The following KIF2A variants were observed in gnomAD, a reference collection of about 807,000 sequenced individuals.
The protein encoded by KIF2A is kinesin-like protein KIF2A.
Under a neutral mutation model 100.2 loss-of-function variants are expected in KIF2A, and 22 were observed. The ratio of observed to expected loss-of-function variants is 0.22; its 90% CI spans 0.16 to 0.31. The LOEUF is 0.31. Ranked by LOEUF, KIF2A falls within the 10% of genes least tolerant of loss-of-function variation. KIF2A has a pLI of 1.00. For synonymous variants in KIF2A, 268 were observed against 285.9 expected, an observed-to-expected ratio of 0.94 and a Z score of 0.63; for missense variants, 495 against 898.7, an observed-to-expected ratio of 0.55 and a Z score of 5.74.
In KIF2A at chr5:62,389,379, G is replaced by A. The variant is rs898214691; in HGVS notation, c.*3810G>A. ...CACATGCCTGTAATCCCAGCTACTCGGGTGGTTGAGGCAGGAGATTTGCCT... is the reference window on the plus strand; with the variant it reads ...CACATGCCTGTAATCCCAGCTACTCAGGTGGTTGAGGCAGGAGATTTGCCT... On this transcript the variant is annotated 3_prime_UTR_variant, in exon 21 of 21. Coordinates refer to ENST00000407818, the MANE Select transcript of KIF2A (RefSeq NM_001098511.3). 6.6e-6 allele frequency among the ~76,000 whole-genome samples: 1 copy of A among 151,206 alleles called. No homozygotes were observed. The highest frequency in any genetic ancestry group is 2.4e-5 in the African/African-American group (1 of 41,102).
intron 1 of KIF2A, among the ~76,000 whole-genome samples, chr5:62,327,679 A>T (rs1746447114): frequency 6.6e-6 from 1 of 152,188 alleles, no homozygotes; most frequent in Non-Finnish European, 1.5e-5. Flanking sequence ...GGCAGCACTG[A>T]ATTTGAAATA....
At chr5:62,314,657 A>G (rs1447593538) in intron 1 of KIF2A, among the ~76,000 whole-genome samples, 1 of 151,764 alleles carries the variant, frequency 6.6e-6, no homozygotes, top group Admixed American at 6.6e-5. Context: ...AGGTTTTGGC[A>G]TTAATTTTGA....
intron 1 of KIF2A, among the ~76,000 whole-genome samples, chr5:62,340,800 A>T (rs1747255809): frequency 6.6e-6 from 1 of 152,148 alleles, no homozygotes; most frequent in East Asian, 1.9e-4. Flanking sequence ...AAAAAATTAA[A>T]ATTTAAAAAG....
intron 18 of KIF2A, among the ~76,000 whole-genome samples, chr5:62,376,668 G>A (rs1486367990): frequency 3.3e-5 from 5 of 152,036 alleles, no homozygotes; most frequent in Non-Finnish European, 5.9e-5. Context: ...TGATCCGCCC[G>A]CCTCAGCCTC....
chr5:62,326,154 A>G (rs889410198), intron 1 of KIF2A, among the ~76,000 whole-genome samples: 4 of 152,172 alleles, frequency 2.6e-5, no homozygotes, highest in Non-Finnish European at 1.5e-5. Context: ...CTGCAGACCA[A>G]ATATTTCTCT....
At chr5:62,336,711 G>A (rs1025172552) in intron 1 of KIF2A, among the ~76,000 whole-genome samples, 2 of 152,190 alleles carry the variant, frequency 1.3e-5, no homozygotes, top group Non-Finnish European at 2.9e-5. Context: ...AATGACTTAA[G>A]CATTCATCTT....
At chr5:62,327,972 G>T (rs998265198) in intron 1 of KIF2A, among the ~76,000 whole-genome samples, 7 of 152,206 alleles carry the variant, frequency 4.6e-5, no homozygotes, top group African/African-American at 1.7e-4. Flanking sequence ...TCACAGAATA[G>T]CACTGCTGTA....
At chr5:62,316,880 A>G (rs1446413152) in intron 1 of KIF2A, among the ~76,000 whole-genome samples, 1 of 152,220 alleles carries the variant, frequency 6.6e-6, no homozygotes, top group East Asian at 1.9e-4. Context: ...CCAATTAATG[A>G]CAAAAAAATT....
intron 1 of KIF2A, among the ~76,000 whole-genome samples, chr5:62,316,973 T>C (rs1745845815): frequency 6.6e-6 from 1 of 152,178 alleles, no homozygotes; most frequent in Non-Finnish European, 1.5e-5. Context: ...CATAGTCTAT[T>C]GGCCAATGTT....
intron 1 of KIF2A, among the ~76,000 whole-genome samples, chr5:62,307,444 A>G (rs906297462): frequency 1.5e-4 from 23 of 152,136 alleles, no homozygotes; most frequent in South Asian, 6.2e-4. Flanking sequence ...GGTTTATGAC[A>G]CTAGCTTGGG....
intron 1 of KIF2A, among the ~76,000 whole-genome samples, chr5:62,324,746 C>T (rs1329059019): frequency 1.3e-5 from 2 of 152,168 alleles, no homozygotes; most frequent in Non-Finnish European, 2.9e-5. Flanking sequence ...AGACCTCAAA[C>T]TATAAAACCA....
At chr5:62,377,887 G>A (rs889202964) in intron 19 of KIF2A, 125 bp downstream of exon 19, 19 of 481,642 alleles carry the variant, frequency 3.9e-5, no homozygotes, top group Non-Finnish European at 6.8e-5. Context: ...ATGTGTATTT[G>A]TAGGGCATGT....
chr5:62,386,363 T>C lies in KIF2A; in HGVS notation c.*794T>C, dbSNP rs1742024694. On this transcript the variant is annotated 3_prime_UTR_variant, in exon 21 of 21. Transcript: ENST00000407818. ...ACAATATAAACTAGTTGGTGTATAA[T>C]AAAAAGTAATGAAATTCTGAGAAGA... 1 of 152,346 alleles carries C rather than the reference T, an allele frequency of 6.6e-6. No homozygotes were observed. Among genetic ancestry groups the C allele is most frequent in the Non-Finnish European group, 1.5e-5 (1 of 68,042 alleles). 9.4% of individuals were successfully genotyped at this position (152,346 alleles called of 1,614,324 possible).
chr5:62,321,807 C>A (rs943225267), intron 1 of KIF2A, among the ~76,000 whole-genome samples: 2 of 152,190 alleles, frequency 1.3e-5, no homozygotes, highest in South Asian at 4.1e-4. Flanking sequence ...GATCCGCCCA[C>A]CTTGGCCTCC....
At chr5:62,313,011 C>CT (rs916111365) in intron 1 of KIF2A, among the ~76,000 whole-genome samples, 45 of 148,094 alleles carry the variant, frequency 3.0e-4, no homozygotes, top group South Asian at 2.8e-3. Context: ...TCTTATGTTT[C>CT]TTTTTTTTTT....
intron 3 of KIF2A, among the ~76,000 whole-genome samples, chr5:62,348,627 A>G (rs1747693062): frequency 6.6e-6 from 1 of 152,230 alleles, no homozygotes; most frequent in Non-Finnish European, 1.5e-5. Flanking sequence ...GATATACCTT[A>G]AAACTGTGCT....
At chr5:62,346,157 C>T (rs73760590) in intron 1 of KIF2A, among the ~76,000 whole-genome samples, 13,647 of 151,850 alleles carry the variant, frequency 0.09, 766 homozygotes, top group African/African-American at 0.16. Flanking sequence ...AATTATTTAG[C>T]TCTGTAGTTA....
chr5:62,353,405 T>C (rs770088962), intron 6 of KIF2A, 30 bp downstream of exon 6: 1 of 1,157,666 alleles, frequency 8.6e-7, no homozygotes, highest in Admixed American at 3.0e-5. Context: ...ATTTTGTTTA[T>C]GTACCAACCA....
chr5:62,375,500 G>A (rs1042626357), intron 18 of KIF2A, among the ~76,000 whole-genome samples: 1 of 152,172 alleles, frequency 6.6e-6, no homozygotes, highest in Non-Finnish European at 1.5e-5. Context: ...AAGTACTGAA[G>A]CCAGGATTGA....
Sources: gnomAD v4.1 joint callset for allele counts (sites outside exome capture counted in the v4.1 genomes callset) on GRCh38, gnomAD v4.1.1 for gene constraint, MANE v1.5 for transcripts, NCBI Gene and HGNC (gene_info 2026-07-23, HGNC 2026-07-21) for gene names.